ZFAT: variants seen among roughly 807,000 people sequenced by gnomAD.
The protein encoded by ZFAT is zinc finger protein ZFAT.
In ZFAT, 64 loss-of-function variants were observed where a neutral mutation model predicts 117.7. The ratio of observed to expected loss-of-function variants is 0.54; its 90% CI spans 0.44 to 0.67. The LOEUF is 0.67. Ranked by LOEUF, ZFAT falls within the 30% of genes least tolerant of loss-of-function variation. The pLI, the probability that ZFAT is intolerant of heterozygous loss-of-function variation, is 0.00. For missense variants in ZFAT, 1,433 were observed against 1,584.5 expected (o/e 0.90, Z 1.62); for synonymous variants, 679 against 615.0 (o/e 1.10, Z -1.54).
intron 1 of ZFAT, among the ~76,000 whole-genome samples, chr8:134,683,362 A>G (rs974912245): frequency 6.6e-6 from 1 of 152,224 alleles, no homozygotes; most frequent in Non-Finnish European, 1.5e-5. Flanking sequence ...ATGAATCGCA[A>G]GGAGCTTAAA....
chr8:134,799,244 G>A, the ZFAT span, among the ~76,000 whole-genome samples: 1 of 152,074 alleles, frequency 6.6e-6, no homozygotes, highest in African/African-American at 2.4e-5. Context: ...ATCTTCCACA[G>A]GAGCACCAAG....
chr8:134,706,686 C>A (rs763736147), intron 1 of ZFAT, among the ~76,000 whole-genome samples: 5 of 151,636 alleles, frequency 3.3e-5, no homozygotes, highest in African/African-American at 4.9e-5. Context: ...GAGCAAGACT[C>A]CATCTCAAAA....
the ZFAT span, among the ~76,000 whole-genome samples, chr8:134,761,234 A>C: frequency 6.6e-6 from 1 of 152,318 alleles, no homozygotes; most frequent in African/African-American, 2.4e-5. Flanking sequence ...CACTGAGGAT[A>C]CAACTATGAA....
the ZFAT span, among the ~76,000 whole-genome samples, chr8:134,818,878 A>G: frequency 2.7e-4 from 41 of 152,230 alleles, no homozygotes; most frequent in African/African-American, 9.2e-4. Context: ...ATGCATGCCA[A>G]TGTAAAGTAA....
chr8:134,540,601 A>C (rs945748417), intron 11 of ZFAT, among the ~76,000 whole-genome samples: 11 of 152,188 alleles, frequency 7.2e-5, no homozygotes, highest in African/African-American at 2.2e-4. Flanking sequence ...TCCCACCTAC[A>C]CCACCATGAC....
At chr8:134,803,335 A>G in the ZFAT span, among the ~76,000 whole-genome samples, 1 of 152,226 alleles carries the variant, frequency 6.6e-6, no homozygotes, top group Non-Finnish European at 1.5e-5. Flanking sequence ...CACAGAACAC[A>G]TTACATTCTA....
chr8:134,653,052 A>T (rs1411243011), intron 2 of ZFAT, among the ~76,000 whole-genome samples: 1 of 151,998 alleles, frequency 6.6e-6, no homozygotes, highest in Non-Finnish European at 1.5e-5. Flanking sequence ...CATTATCCAT[A>T]GAAGTAAATA....
chr8:134,566,474 A>T (rs2130778464), intron 10 of ZFAT, among the ~76,000 whole-genome samples: 1 of 152,312 alleles, frequency 6.6e-6, no homozygotes, highest in South Asian at 2.1e-4. Flanking sequence ...ATTAATAGAT[A>T]TATGAGGTAC....
intron 2 of ZFAT, among the ~76,000 whole-genome samples, chr8:134,657,045 G>A (rs1167043406): frequency 2.0e-5 from 3 of 152,216 alleles, no homozygotes; most frequent in Admixed American, 6.5e-5. Flanking sequence ...GTTGGAAAAT[G>A]CTGTAAGATT....
chr8:134,725,443 G>A, the ZFAT span, among the ~76,000 whole-genome samples: 90 of 152,282 alleles, frequency 5.9e-4, 1 homozygote, highest in African/African-American at 2.2e-3. Context: ...AAGGGGGAAT[G>A]GGCACATATT....
the ZFAT span, among the ~76,000 whole-genome samples, chr8:134,799,211 T>C: frequency 6.6e-6 from 1 of 152,198 alleles, no homozygotes; most frequent in South Asian, 2.1e-4. Context: ...TATTTAATCA[T>C]GTATTTCTCA....
chr8:134,504,776 A>G (rs1007205586), intron 15 of ZFAT, among the ~76,000 whole-genome samples: 1 of 152,114 alleles, frequency 6.6e-6, no homozygotes, highest in African/African-American at 2.4e-5. Flanking sequence ...CGAGACTTGG[A>G]ATCCTTGGCC....
intron 10 of ZFAT, 81 bp downstream of exon 10, chr8:134,583,751 C>T: frequency 9.8e-6 from 15 of 1,526,546 alleles, no homozygotes; most frequent in Non-Finnish European, 1.3e-5. Context: ...GCCTCTGGTA[C>T]AGCAAGTTTC....
chr8:134,595,044 T>A (rs1368546964), intron 7 of ZFAT, among the ~76,000 whole-genome samples: 1 of 152,196 alleles, frequency 6.6e-6, no homozygotes, highest in Admixed American at 6.5e-5. Flanking sequence ...ATGTCATTCA[T>A]AACAATTATC....
intron 11 of ZFAT, among the ~76,000 whole-genome samples, chr8:134,558,495 C>T (rs1035481130): frequency 6.6e-6 from 1 of 152,200 alleles, no homozygotes; most frequent in Non-Finnish European, 1.5e-5. Context: ...TGGCCCCAAT[C>T]TGCCTAACCC....
chr8:134,664,144 C>G (rs1832084085), intron 1 of ZFAT, among the ~76,000 whole-genome samples: 1 of 151,976 alleles, frequency 6.6e-6, no homozygotes, highest in African/African-American at 2.4e-5. Flanking sequence ...CCCACTCCAC[C>G]CCTATGAACA....
At chr8:134,610,227 G>A (rs933206168) in intron 4 of ZFAT, among the ~76,000 whole-genome samples, 8 of 152,196 alleles carry the variant, frequency 5.3e-5, no homozygotes, top group African/African-American at 1.7e-4. Context: ...GCAGCACGGC[G>A]GAGCTGTGGG....
chr8:134,646,142 G>A (rs1157208040), intron 2 of ZFAT, among the ~76,000 whole-genome samples: 1 of 152,174 alleles, frequency 6.6e-6, no homozygotes, highest in Non-Finnish European at 1.5e-5. Flanking sequence ...CTGGAAGGCG[G>A]AGGTTGCAGT....
intron 1 of ZFAT, among the ~76,000 whole-genome samples, chr8:134,703,829 G>A (rs1289607090): frequency 1.3e-5 from 2 of 152,164 alleles, no homozygotes; most frequent in African/African-American, 2.4e-5. Flanking sequence ...ACTATTAAAA[G>A]TGATAAAATG....
Sources: gnomAD v4.1 joint callset for allele counts (sites outside exome capture counted in the v4.1 genomes callset) on GRCh38, gnomAD v4.1.1 for gene constraint, MANE v1.5 for transcripts, NCBI Gene and HGNC (gene_info 2026-07-23, HGNC 2026-07-21) for gene names.